The following SPTBN1 variants were observed in gnomAD, a reference collection of about 807,000 sequenced individuals.
SPTBN1 encodes the protein spectrin beta, non-erythrocytic 1.
A neutral mutation model predicts 266.4 loss-of-function variants in SPTBN1; 32 were observed. The observed-to-expected ratio is 0.12, with a 90% confidence interval of 0.09 to 0.16. The LOEUF (loss-of-function observed/expected upper bound fraction) is 0.16. Among genes scored for constraint, SPTBN1 ranks in the 10% least tolerant of loss-of-function variants. The pLI is 1.00. For synonymous variants in SPTBN1, 1,336 were observed against 1,162.2 expected, an observed-to-expected ratio of 1.15 and a Z score of -3.04; for missense variants, 2,296 against 3,067.1, an observed-to-expected ratio of 0.75 and a Z score of 5.94.
At chr2:54,529,530 G>A (rs551501505) in intron 2 of SPTBN1, 24 of 711,160 alleles carry the variant, frequency 3.4e-5, no homozygotes, top group East Asian at 5.3e-5. Flanking sequence ...AGATATCCTC[G>A]GAAGACCACC....
intron 3 of SPTBN1, among the ~76,000 whole-genome samples, chr2:54,608,702 G>A (rs375115687): frequency 1.1e-4 from 17 of 151,258 alleles, no homozygotes; most frequent in East Asian, 9.9e-4. Context: ...ATGCGCGCAC[G>A]AGTGCGCGCA....
intron 1 of SPTBN1, among the ~76,000 whole-genome samples, chr2:54,502,059 TGA>T (rs1200185107): frequency 6.6e-6 from 1 of 152,156 alleles, no homozygotes; most frequent in Non-Finnish European, 1.5e-5. Context: ...TGCTAAACTC[TGA>T]GAGAGAGAGT....
intron 2 of SPTBN1, chr2:54,527,139 T>C (rs369726163): frequency 6.6e-6 from 1 of 150,662 alleles, no homozygotes; most frequent in African/African-American, 2.4e-5. Context: ...ACTTTCTCCA[T>C]GGCCCCAGTG....
At chr2:54,603,250 G>A (rs1219054121) in intron 3 of SPTBN1, among the ~76,000 whole-genome samples, 1 of 145,336 alleles carries the variant, frequency 6.9e-6, no homozygotes. Context: ...TCATAGTTTG[G>A]ACTAAGTGAA....
chr2:54,556,937 A>G (rs1172064995), intron 2 of SPTBN1, among the ~76,000 whole-genome samples: 2 of 152,204 alleles, frequency 1.3e-5, no homozygotes, highest in Non-Finnish European at 2.9e-5. Flanking sequence ...ATCCTAGTCA[A>G]GTGCTTTTTC....
chr2:54,500,408 G>A (rs997998979), intron 1 of SPTBN1, among the ~76,000 whole-genome samples: 20 of 151,842 alleles, frequency 1.3e-4, no homozygotes, highest in African/African-American at 4.1e-4. Context: ...TTTTCATCTC[G>A]ATCCACTGTG....
At chr2:54,582,886 GCT>G (rs1235077742) in intron 2 of SPTBN1, among the ~76,000 whole-genome samples, 1 of 152,180 alleles carries the variant, frequency 6.6e-6, no homozygotes, top group Non-Finnish European at 1.5e-5. Context: ...GCTTGAATTT[GCT>G]CTTATACAAA....
intron 1 of SPTBN1, among the ~76,000 whole-genome samples, chr2:54,479,263 C>G (rs939520349): frequency 6.6e-6 from 1 of 152,166 alleles, no homozygotes; most frequent in African/African-American, 2.4e-5. Flanking sequence ...AAACATGACC[C>G]TTACCAACCG....
At chr2:54,656,977 T>TG (rs1680709883) in intron 29 of SPTBN1, among the ~76,000 whole-genome samples, 1 of 152,228 alleles carries the variant, frequency 6.6e-6, no homozygotes, top group African/African-American at 2.4e-5. Context: ...GTAGTCATGT[T>TG]GGGGGCTACC....
At chr2:54,632,876 C>A in intron 17 of SPTBN1, 108 bp downstream of exon 17, 1 of 1,216,848 alleles carries the variant, frequency 8.2e-7, no homozygotes, top group Non-Finnish European at 1.1e-6. Context: ...TCCCAGTGGG[C>A]AGAATATGGG....
At chr2:54,644,906 C>T (rs1042612322) in intron 20 of SPTBN1, among the ~76,000 whole-genome samples, 5 of 152,142 alleles carry the variant, frequency 3.3e-5, no homozygotes, top group South Asian at 2.1e-4. Context: ...GCATTTTACA[C>T]GAAAGAAATA....
chr2:54,659,293 G>A (rs146042204), intron 31 of SPTBN1, 27 bp downstream of exon 31: 1 of 1,609,314 alleles, frequency 6.2e-7, no homozygotes, highest in Non-Finnish European at 8.5e-7. Flanking sequence ...CCAGAGGCTG[G>A]ACCCTTAGCC....
chr2:54,529,380 C>T (rs776566561), intron 2 of SPTBN1: 11 of 661,766 alleles, frequency 1.7e-5, no homozygotes, highest in South Asian at 5.7e-5. Context: ...GCTCCTGGCC[C>T]GCCTAAAGCT....
intron 1 of SPTBN1, among the ~76,000 whole-genome samples, chr2:54,503,114 T>C (rs1340447642): frequency 6.6e-6 from 1 of 152,222 alleles, no homozygotes; most frequent in Non-Finnish European, 1.5e-5. Context: ...AATCCTTTTG[T>C]TGTGTGGAGG....
In SPTBN1 at chr2:54,622,333, A is replaced by G; in HGVS notation, c.910A>G (p.Ile304Val). 4.3e-6 allele frequency: 7 copies of G among 1,614,222 alleles called. No homozygotes were observed. The highest frequency in any genetic ancestry group is 5.9e-6 in the Non-Finnish European group (7 of 1,180,036). ...LDNAIETEKM[I>V]EKYESLASDL... ...CAATGCTATTGAAACAGAAAAAATGATTGAAAAGTATGAATCACTTGCCTC... is the reference window on the plus strand; with the variant it reads ...CAATGCTATTGAAACAGAAAAAATGGTTGAAAAGTATGAATCACTTGCCTC... The change falls in exon 9 of 36, where the codon ATT (isoleucine) becomes GTT (valine). Residue 304 changes from isoleucine (I) to valine (V), a missense_variant. Ile to Val is a conservative substitution (Grantham distance 29). Coordinates refer to ENST00000356805, the MANE Select transcript of SPTBN1 (RefSeq NM_003128.3).
chr2:54,544,125 T>C (rs1672101436), intron 2 of SPTBN1, among the ~76,000 whole-genome samples: 1 of 152,178 alleles, frequency 6.6e-6, no homozygotes, highest in Non-Finnish European at 1.5e-5. Flanking sequence ...TTGGAAAGCA[T>C]TATATCCCGT....
At chr2:54,461,651 C>G (rs1315102046) in intron 1 of SPTBN1, among the ~76,000 whole-genome samples, 1 of 152,232 alleles carries the variant, frequency 6.6e-6, no homozygotes, top group African/African-American at 2.4e-5. Flanking sequence ...CATTATCTCA[C>G]TGTGATTTTT....
intron 4 of SPTBN1, among the ~76,000 whole-genome samples, chr2:54,614,380 G>A (rs1013772877): frequency 1.3e-5 from 2 of 152,064 alleles, no homozygotes; most frequent in Admixed American, 6.5e-5. Context: ...AGTTCCCAGT[G>A]TGTGTGTATG....
In SPTBN1 at chr2:54,645,298, A is replaced by G. The variant is rs878908038; in HGVS notation, c.4339A>G (p.Ser1447Gly). The G allele has an allele frequency of 1.2e-6, 2 of 1,614,214 alleles. No individual in the cohort carries two copies. The highest frequency in any genetic ancestry group is 2.7e-5 in the African/African-American group (2 of 75,052). The change falls in exon 21 of 36, where the codon AGT (serine) becomes GGT (glycine). Residue 1447 changes from serine (S) to glycine (G), a missense_variant. Transcript: ENST00000356805. The surrounding 1 kb of genome is among the most constrained non-coding windows in gnomAD (Gnocchi z 4.3). Reference protein sequence around the residue: ...EELQSQAQALSQEGKSTDEVD... With the variant: ...EELQSQAQALGQEGKSTDEVD... ...GCTCCAAAGCCAAGCCCAGGCCCTG[A>G]GTCAGGAAGGGAAGAGCACCGACGA...
Sources: allele counts gnomAD v4.1 joint callset (sites outside exome capture counted in the v4.1 genomes callset), GRCh38; gene constraint gnomAD v4.1.1; non-coding constraint Gnocchi (gnomAD v3.1); transcripts MANE v1.5; gene names NCBI Gene and HGNC (gene_info 2026-07-23, HGNC 2026-07-21).